The following FCHSD2 variants were observed in gnomAD, a reference collection of about 807,000 sequenced individuals.
FCHSD2 encodes F-BAR and double SH3 domains protein 2.
FCHSD2 carries 38 observed loss-of-function variants against 108.1 expected under a neutral mutation model. The observed-to-expected ratio is 0.35, with a 90% confidence interval of 0.27 to 0.46. FCHSD2 has a LOEUF of 0.46. Ranked by LOEUF, FCHSD2 falls within the 20% of genes least tolerant of loss-of-function variation. The pLI is 1.00. For missense variants in FCHSD2, 751 were observed against 897.8 expected, an observed-to-expected ratio of 0.84 and a Z score of 2.09; for synonymous variants, 279 against 314.7, an observed-to-expected ratio of 0.89 and a Z score of 1.20.
At chr11:72,932,273 T>A (rs1856209086) in intron 8 of FCHSD2, among the ~76,000 whole-genome samples, 1 of 152,188 alleles carries the variant, frequency 6.6e-6, no homozygotes, top group African/African-American at 2.4e-5. Flanking sequence ...CAATCTTCTG[T>A]TGCCCTGCAT....
intron 3 of FCHSD2, among the ~76,000 whole-genome samples, chr11:73,071,018 CA>C (rs1210297173): frequency 6.6e-6 from 1 of 152,132 alleles, no homozygotes; most frequent in East Asian, 1.9e-4. Context: ...ATTCCACAAG[CA>C]ATTGGAAACA....
Position 72,887,555 on chromosome 11 carries a change from C to A in FCHSD2, c.1061G>T (p.Cys354Phe), listed in dbSNP as rs752903498. 5 of 1,582,342 alleles carry A rather than the reference C, an allele frequency of 3.2e-6. No homozygotes were observed. The African/African-American group carries it at 6.9e-5, about 22-fold the overall frequency. The part of the protein sequence containing the change: ...HQQRVLNDLE[C>F]HGAAVSEQSR... ...TTGTTCTGATACAGCAGCTCCATGA[C>A]ACTCCAGATCATTTAGAACCTATTA... is the stretch of plus-strand genomic sequence containing the variant. The change falls in exon 12 of 20, where the codon TGT becomes TTT. Residue 354 changes from cysteine to phenylalanine, a missense_variant. Cys to Phe is a radical substitution (Grantham distance 205, BLOSUM62 -2). Coordinates refer to ENST00000409418, the MANE Select transcript of FCHSD2 (RefSeq NM_014824.3).
intron 8 of FCHSD2, among the ~76,000 whole-genome samples, chr11:72,963,767 T>G (rs1287050648): frequency 6.6e-6 from 1 of 152,182 alleles, no homozygotes; most frequent in Non-Finnish European, 1.5e-5. Flanking sequence ...CTAATTCTGC[T>G]GCCCATCTGA....
chr11:72,975,020 T>C (rs909390797), intron 8 of FCHSD2, among the ~76,000 whole-genome samples: 1 of 152,100 alleles, frequency 6.6e-6, no homozygotes, highest in Non-Finnish European at 1.5e-5. Context: ...TACATATGAA[T>C]GAGGAAGATT....
chr11:73,097,180 T>C (rs144182747), intron 2 of FCHSD2, among the ~76,000 whole-genome samples: 130 of 150,994 alleles, frequency 8.6e-4, no homozygotes, highest in Middle Eastern at 3.4e-3. Context: ...TTTTTGTATT[T>C]TTTCGTAGAG....
chr11:73,016,963 GT>G (rs1857987520), intron 3 of FCHSD2, among the ~76,000 whole-genome samples: 1 of 152,020 alleles, frequency 6.6e-6, no homozygotes, highest in Non-Finnish European at 1.5e-5. Flanking sequence ...TATTATGTTT[GT>G]TTTTTTGCTT....
intron 5 of FCHSD2, among the ~76,000 whole-genome samples, chr11:72,999,007 G>A (rs1857572704): frequency 1.3e-5 from 2 of 152,196 alleles, no homozygotes; most frequent in South Asian, 4.1e-4. Flanking sequence ...GTTAGTGAGT[G>A]AAGCCATTCA....
At chr11:73,110,691 T>C (rs938969928) in intron 2 of FCHSD2, among the ~76,000 whole-genome samples, 1 of 152,164 alleles carries the variant, frequency 6.6e-6, no homozygotes, top group African/African-American at 2.4e-5. Context: ...CTTTATTATT[T>C]CTTTTATTCT....
At chr11:73,113,041 CTG>C (rs2135548330) in intron 2 of FCHSD2, among the ~76,000 whole-genome samples, 1 of 152,224 alleles carries the variant, frequency 6.6e-6, no homozygotes, top group South Asian at 2.1e-4. Flanking sequence ...TCTGTCTTCT[CTG>C]TGCATTTCCA....
chr11:73,076,881 T>A (rs1859566224), intron 3 of FCHSD2, among the ~76,000 whole-genome samples: 1 of 151,928 alleles, frequency 6.6e-6, no homozygotes, highest in Non-Finnish European at 1.5e-5. Flanking sequence ...GAGGCCAAGA[T>A]GGGTGGATCA....
intron 3 of FCHSD2, among the ~76,000 whole-genome samples, chr11:73,059,729 T>C (rs1005786026): frequency 3.6e-4 from 55 of 152,176 alleles, no homozygotes; most frequent in African/African-American, 1.3e-3. Context: ...TCTTTTTTTT[T>C]CTTTTTTTCC....
At chr11:73,076,802 G>A (rs1428302396) in intron 3 of FCHSD2, among the ~76,000 whole-genome samples, 1 of 152,116 alleles carries the variant, frequency 6.6e-6, no homozygotes, top group Non-Finnish European at 1.5e-5. Flanking sequence ...GAAGCTGGGT[G>A]ATAGCTAATA....
At chr11:72,883,935 A>G (rs112202410) in intron 12 of FCHSD2, among the ~76,000 whole-genome samples, 1 of 151,928 alleles carries the variant, frequency 6.6e-6, no homozygotes, top group South Asian at 2.1e-4. Context: ...GTGTCTCAAA[A>G]AAAAAAAAAA....
chr11:73,004,225 T>A (rs1399946646), intron 4 of FCHSD2, among the ~76,000 whole-genome samples: 3 of 151,310 alleles, frequency 2.0e-5, no homozygotes, highest in Non-Finnish European at 2.9e-5. Context: ...TATCATTTAA[T>A]CCTCATCGTA....
Position 72,838,821 on chromosome 11 carries a change from C to G in FCHSD2, c.2193G>C (p.Lys731Asn). ...CCAGTGTGATTTCCACATCTTCAAT[C>G]TTCTCTGCTGGCCTTCGGTGATTCT... ...PTQNHRRPAEKIEDVEITLV is the reference protein window; with the variant it reads ...PTQNHRRPAENIEDVEITLV Residue 731 changes from lysine to asparagine, a missense_variant, in exon 20 of 20, where the codon AAG becomes AAC. By Grantham distance (94) the Lys-to-Asn change is moderately conservative (BLOSUM62 0). Transcript: ENST00000409418. 1 of 1,607,408 alleles carries G rather than the reference C, an allele frequency of 6.2e-7. No homozygotes were observed. Among genetic ancestry groups the G allele is most frequent in the Non-Finnish European group, 8.5e-7 (1 of 1,177,868 alleles).
chr11:72,939,609 C>CTTTTTTTTT (rs1194333407), intron 8 of FCHSD2, among the ~76,000 whole-genome samples: 2 of 65,464 alleles, frequency 3.1e-5, no homozygotes, highest in Non-Finnish European at 2.8e-5. Flanking sequence ...CTTTCTTTTC[C>CTTTTTTTTT]TTTTTTTTTT....
intron 9 of FCHSD2, among the ~76,000 whole-genome samples, chr11:72,920,262 A>T (rs540266730): frequency 4.6e-5 from 7 of 152,354 alleles, no homozygotes; most frequent in African/African-American, 9.6e-5. Context: ...ACACAATATT[A>T]AAAACAAAAA....
chr11:73,106,493 C>A (rs74403126), intron 2 of FCHSD2, among the ~76,000 whole-genome samples: 3,008 of 151,750 alleles, frequency 0.02, 40 homozygotes, highest in Middle Eastern at 0.038. Flanking sequence ...GTTAAAGAAC[C>A]CTGAAGTGCA....
Position 73,096,155 on chromosome 11 carries a change from CAGA to C in FCHSD2, c.120-12418_120-12416del, listed in dbSNP as rs536526506. The stretch of plus-strand genomic sequence containing the variant: ...AAACAGAACAGGAAAAACATGGTAG[CAGA>C]AGGACACCCATGAGCAAAAAAATGC... On this transcript the variant is annotated intron_variant, in intron 2 of 19. Transcript: ENST00000409418. Among the ~76,000 whole-genome samples, 11 of 151,876 alleles carry C rather than the reference CAGA, an allele frequency of 7.2e-5. 1 individual carries two copies. Among genetic ancestry groups the C allele is most frequent in the East Asian group, 3.9e-4 (2 of 5,194 alleles).
Sources: gnomAD v4.1 joint callset for allele counts (sites outside exome capture counted in the v4.1 genomes callset) on GRCh38, gnomAD v4.1.1 for gene constraint, MANE v1.5 for transcripts, NCBI Gene and HGNC (gene_info 2026-07-23, HGNC 2026-07-21) for gene names.